Variants in IDO2 observed in about 807,000 individuals in gnomAD.
IDO2 encodes the protein indoleamine 2,3-dioxygenase-like 1 protein.
In IDO2, 46 loss-of-function variants were observed where a neutral mutation model predicts 45.1. The observed-to-expected ratio is 1.02, with a 90% CI of 0.80 to 1.30. The LOEUF is 1.30. IDO2 is among the 50% of genes most tolerant of loss of function. The pLI, the probability that IDO2 is intolerant of heterozygous loss-of-function variation, is 0.00. For synonymous variants in IDO2, 218 were observed against 184.9 expected, an observed-to-expected ratio of 1.18 and a Z score of -1.45; for missense variants, 544 against 491.8, an observed-to-expected ratio of 1.11 and a Z score of -1.00.
chr8:39,938,367 A>G (rs568717899), intron 1 of IDO2, among the ~76,000 whole-genome samples: 1 of 152,314 alleles, frequency 6.6e-6, no homozygotes, highest in Admixed American at 6.5e-5. Flanking sequence ...CAGGAAATAT[A>G]TCTGTAAATG....
intron 3 of IDO2, among the ~76,000 whole-genome samples, chr8:39,971,236 T>C (rs1469546919): frequency 6.6e-6 from 1 of 152,194 alleles, no homozygotes; most frequent in East Asian, 1.9e-4. Flanking sequence ...CTGTGCTCTG[T>C]AAACGGACAA....
intron 2 of IDO2, among the ~76,000 whole-genome samples, chr8:39,957,717 C>T (rs1045865698): frequency 1.3e-5 from 2 of 152,178 alleles, no homozygotes. Context: ...TGTAATAGCT[C>T]TTTCTCCTTC....
At chr8:39,935,697 GC>G (rs1227356900) in intron 1 of IDO2, among the ~76,000 whole-genome samples, 1 of 152,112 alleles carries the variant, frequency 6.6e-6, no homozygotes, top group Non-Finnish European at 1.5e-5. Context: ...TGATCCACCT[GC>G]TTTGACCTCC....
chr8:39,950,397 T>C (rs1807796239), intron 2 of IDO2, among the ~76,000 whole-genome samples: 2 of 152,120 alleles, frequency 1.3e-5, no homozygotes, highest in Non-Finnish European at 2.9e-5. Context: ...CCAGGCGTGG[T>C]GGCACATGCC....
intron 10 of IDO2, 32 bp from the exon 11 acceptor site, chr8:40,015,215 G>C (rs775505208): frequency 9.8e-6 from 12 of 1,219,360 alleles, no homozygotes; most frequent in Non-Finnish European, 1.3e-5. Context: ...TCCATGTGGA[G>C]CTATGACGTT....
chr8:40,015,212 G>C (rs368981034), intron 10 of IDO2, 35 bp from the exon 11 acceptor site: 24 of 1,184,126 alleles, frequency 2.0e-5, no homozygotes, highest in Non-Finnish European at 2.3e-5. Context: ...ATTTCCATGT[G>C]GAGCTATGAC....
At chr8:39,981,207 G>A (rs926961108) in intron 4 of IDO2, among the ~76,000 whole-genome samples, 3 of 151,550 alleles carry the variant, frequency 2.0e-5, no homozygotes, top group Admixed American at 6.6e-5. Context: ...GACTACAGGC[G>A]CCCACCACAA....
intron 8 of IDO2, among the ~76,000 whole-genome samples, chr8:39,996,435 G>T (rs955351173): frequency 2.6e-5 from 4 of 152,174 alleles, no homozygotes; most frequent in Admixed American, 6.5e-5. Context: ...ACGTGACTTG[G>T]GTGACCTTAC....
intron 8 of IDO2, among the ~76,000 whole-genome samples, chr8:40,003,273 A>G (rs2955881): frequency 0.086 from 13,068 of 151,146 alleles, 659 homozygotes; most frequent in Middle Eastern, 0.15. Flanking sequence ...AGGATGCTGA[A>G]GCAGGAGAAT....
chr8:40,015,890 C>T (rs1802380951), exon 11 of IDO2: 1 of 365,132 alleles, frequency 2.7e-6, no homozygotes, highest in Non-Finnish European at 4.9e-6. Flanking sequence ...TTCTCTTTGC[C>T]AAGTAATAGA....
intron 9 of IDO2, among the ~76,000 whole-genome samples, chr8:40,006,890 A>G (rs1440223975): frequency 6.6e-6 from 1 of 151,878 alleles, no homozygotes; most frequent in Non-Finnish European, 1.5e-5. Context: ...CGAACTCCTG[A>G]CCTCAGGTGA....
chr8:39,959,756 G>C (rs568888947), intron 2 of IDO2, among the ~76,000 whole-genome samples: 2 of 152,322 alleles, frequency 1.3e-5, no homozygotes, highest in East Asian at 3.9e-4. Context: ...TCAGGAGGTG[G>C]AGCCAAGATC....
At chr8:39,942,850 TA>T (rs1489626655) in intron 1 of IDO2, among the ~76,000 whole-genome samples, 3 of 152,288 alleles carry the variant, frequency 2.0e-5, no homozygotes, top group African/African-American at 7.2e-5. Flanking sequence ...TATGGTTGTA[TA>T]ATATTACAGG....
At chr8:39,981,274 A>G (rs1417539191) in intron 4 of IDO2, among the ~76,000 whole-genome samples, 1 of 151,758 alleles carries the variant, frequency 6.6e-6, no homozygotes, top group East Asian at 1.9e-4. Flanking sequence ...GTTAGCCAGG[A>G]TGGTCTCGAT....
chr8:40,001,944 C>A (rs1802144540), intron 8 of IDO2, among the ~76,000 whole-genome samples: 1 of 152,056 alleles, frequency 6.6e-6, no homozygotes, highest in South Asian at 2.1e-4. Flanking sequence ...TGCCACCACA[C>A]CAGTCTAATT....
rs186143659 is a variant in IDO2 at position 39,956,485 on chromosome 8, T to A, written c.100-7123T>A. Reference sequence around the variant, plus strand: ...TTTTGAATTACATTTTCTATTCCCTTTATGCTTCTTGTTCTAGTTAGGTTT... The same window carrying A: ...TTTTGAATTACATTTTCTATTCCCTATATGCTTCTTGTTCTAGTTAGGTTT... On this transcript the variant is annotated intron_variant, in intron 2 of 10. Transcript: ENST00000502986. Among the ~76,000 whole-genome samples the A allele has an allele frequency of 2.3e-3, 355 of 152,328 alleles. 3 individuals are homozygous for A. The highest frequency in any genetic ancestry group is 8.2e-3 in the African/African-American group (340 of 41,574).
chr8:39,960,234 A>G (rs1399024509), intron 2 of IDO2, among the ~76,000 whole-genome samples: 2 of 152,056 alleles, frequency 1.3e-5, no homozygotes, highest in Non-Finnish European at 2.9e-5. Context: ...TTAATTTCAC[A>G]CCCACCCCTA....
At chr8:40,004,525 T>TGATAGATAGATAGATGATA (rs1802186797) in intron 8 of IDO2, among the ~76,000 whole-genome samples, 2 of 144,398 alleles carry the variant, frequency 1.4e-5, no homozygotes, top group African/African-American at 5.1e-5. Flanking sequence ...GACAGACAGA[T>TGATAGATAGATAGATGATA]GATAGATAGA....
intron 2 of IDO2, among the ~76,000 whole-genome samples, chr8:39,949,642 A>G (rs10104314): frequency 0.19 from 28,618 of 152,196 alleles, 2,700 homozygotes; most frequent in East Asian, 0.26. Flanking sequence ...GTAAGACTCA[A>G]GCCCCTTCAA....
Sources: allele counts gnomAD v4.1 joint callset (sites outside exome capture counted in the v4.1 genomes callset), GRCh38; gene constraint gnomAD v4.1.1; transcripts MANE v1.5; gene names NCBI Gene and HGNC (gene_info 2026-07-23, HGNC 2026-07-21).